The following CADM2 variants were observed in gnomAD, a reference collection of about 807,000 sequenced individuals.
The protein encoded by CADM2 is immunoglobulin superfamily member 4D.
In CADM2, 12 loss-of-function variants were observed where a neutral mutation model predicts 49.8. The ratio of observed to expected loss-of-function variants is 0.24; its 90% confidence interval spans 0.15 to 0.39. The LOEUF is 0.39. Ranked by LOEUF, CADM2 falls within the 10% of genes least tolerant of loss-of-function variation. The probability of loss-of-function intolerance (pLI) is 1.00; values close to 1 mark genes in which losing one functional copy is unlikely to be tolerated. For missense variants in CADM2, 378 were observed against 492.3 expected (o/e 0.77, Z 2.20); for synonymous variants, 214 against 175.4 (o/e 1.22, Z -1.74).
intron 1 of CADM2, among the ~76,000 whole-genome samples, chr3:85,458,666 C>G (rs1378150471): frequency 6.6e-6 from 1 of 152,038 alleles, no homozygotes; most frequent in Non-Finnish European, 1.5e-5. Flanking sequence ...CATGTAGGAG[C>G]TATTGAAGAA....
chr3:85,036,949 C>A (rs898201875), intron 1 of CADM2, among the ~76,000 whole-genome samples: 10 of 145,692 alleles, frequency 6.9e-5, no homozygotes, highest in Non-Finnish European at 1.3e-4. Context: ...GTCAGGAGCT[C>A]TAGACCAGCC....
chr3:85,435,182 C>G (rs545555154), intron 1 of CADM2, among the ~76,000 whole-genome samples: 1 of 152,000 alleles, frequency 6.6e-6, no homozygotes, highest in Non-Finnish European at 1.5e-5. Context: ...CACACAACCC[C>G]CAATAGGCCC....
chr3:85,060,062 T>C (rs1356717064), intron 1 of CADM2, among the ~76,000 whole-genome samples: 2 of 152,218 alleles, frequency 1.3e-5, no homozygotes, highest in Non-Finnish European at 1.5e-5. Flanking sequence ...ATTTCCTGTG[T>C]CACATTCCCA....
Position 85,530,321 on chromosome 3 carries a change from C to CTTTTTTTTTTTTT in CADM2, c.62-196201_62-196200insTTTTTTTTTTTTT, listed in dbSNP as rs2061270952. On this transcript the variant is annotated intron_variant, in intron 1 of 9. Transcript: ENST00000383699. ...GTGAGTCAGTTAGACTTCTTTTCTC[C>CTTTTTTTTTTTTT]GTTTTTTTTTTTTTTTTTTTTTTTT... 1.7e-5 allele frequency among the ~76,000 whole-genome samples: 2 copies of CTTTTTTTTTTTTT among 119,058 alleles called. 1 individual carries two copies. 78.1% of individuals were successfully genotyped at this position (119,058 alleles called of 152,430 possible). A position where few individuals can be genotyped will look rare whatever the true frequency, so the allele number is the denominator to read the frequency against.
In CADM2 at chr3:85,970,240, T is replaced by C. The variant is rs1185914376; in HGVS notation, c.970+8593T>C. Reference sequence around the variant, plus strand: ...TTTTGCAATTAAAGAGTTATGCAATTGATTCCAAGTATGTGTTTTCATCTT... The same window carrying C: ...TTTTGCAATTAAAGAGTTATGCAATCGATTCCAAGTATGTGTTTTCATCTT... On this transcript the variant is annotated intron_variant, in intron 8 of 9. Coordinates refer to ENST00000383699, the MANE Select transcript of CADM2 (RefSeq NM_001167675.2). Among the ~76,000 whole-genome samples, 18 of 151,518 alleles carry C rather than the reference T, an allele frequency of 1.2e-4. No homozygotes were observed. In the Admixed American group the frequency reaches 1.2e-3, roughly 10 times the overall value.
chr3:86,066,828 G>A lies in CADM2; in HGVS notation c.*45G>A. The A allele has an allele frequency of 7.7e-7, 1 of 1,299,044 alleles. No individual in the cohort carries two copies. Among genetic ancestry groups the A allele is most frequent in the Non-Finnish European group, 1.1e-6 (1 of 894,988 alleles). The allele number at this position is 1,299,044 out of a possible 1,614,324, so 80.5% of individuals were successfully genotyped here. On this transcript the variant is annotated 3_prime_UTR_variant, in exon 10 of 10. Transcript: ENST00000383699. ...AGTTTTACTACCAGGCTGAATGCTG[G>A]AGAAAACTGGCTATCATCTTTCAGA...
chr3:85,526,792 T>G (rs984052984), intron 1 of CADM2, among the ~76,000 whole-genome samples: 10 of 152,140 alleles, frequency 6.6e-5, no homozygotes, highest in African/African-American at 2.4e-4. Flanking sequence ...TCATCATGTG[T>G]TATAATTTAC....
intron 1 of CADM2, among the ~76,000 whole-genome samples, chr3:85,574,141 T>C (rs1043935647): frequency 6.6e-6 from 1 of 152,210 alleles, no homozygotes; most frequent in African/African-American, 2.4e-5. Flanking sequence ...AACACCATAT[T>C]TCTAGTCCTC....
chr3:85,706,269 A>T (rs1027241402), intron 1 of CADM2, among the ~76,000 whole-genome samples: 3 of 152,180 alleles, frequency 2.0e-5, no homozygotes, highest in Non-Finnish European at 4.4e-5. Context: ...CTCCCAATTT[A>T]CTTTTAGATA....
rs755326260 is a variant in CADM2, at chr3:85,181,803, T to C, written c.61+222135T>C. ...TACCTTATTGTTATATATCTCTCTCTATATATTATATATAGTTTTAATACT... is the reference window on the plus strand; with the variant it reads ...TACCTTATTGTTATATATCTCTCTCCATATATTATATATAGTTTTAATACT... On this transcript the variant is annotated intron_variant, in intron 1 of 9. Transcript: ENST00000383699. 2.5e-4 allele frequency among the ~76,000 whole-genome samples: 37 copies of C among 150,796 alleles called. No homozygotes were observed. The South Asian group carries it at 3.5e-3, about 14-fold the overall frequency.
At chr3:86,021,529 A>G (rs1021385995) in intron 8 of CADM2, among the ~76,000 whole-genome samples, 3 of 152,222 alleles carry the variant, frequency 2.0e-5, no homozygotes, top group Non-Finnish European at 4.4e-5. Context: ...TGTGAAAAAT[A>G]TCTTTATTGG....
chr3:85,818,254 A>G (rs2073339536), intron 3 of CADM2, among the ~76,000 whole-genome samples: 2 of 152,184 alleles, frequency 1.3e-5, no homozygotes, highest in South Asian at 4.1e-4. Flanking sequence ...TTAAGAGACA[A>G]GGAAGAGTTC....
chr3:85,019,510 A>T (rs1263820423), intron 1 of CADM2, among the ~76,000 whole-genome samples: 1 of 152,122 alleles, frequency 6.6e-6, no homozygotes, highest in East Asian at 1.9e-4. Flanking sequence ...AAAAATGCTG[A>T]ATCTTGTGCA....
At chr3:85,068,727 A>G (rs867663525) in intron 1 of CADM2, among the ~76,000 whole-genome samples, 1 of 152,070 alleles carries the variant, frequency 6.6e-6, no homozygotes, top group African/African-American at 2.4e-5. Context: ...TACAGAATAC[A>G]TATTTAAAGT....
At chr3:85,273,692 T>C (rs2043296567) in intron 1 of CADM2, among the ~76,000 whole-genome samples, 1 of 150,348 alleles carries the variant, frequency 6.7e-6, no homozygotes, top group African/African-American at 2.5e-5. Flanking sequence ...GAATTTTGGT[T>C]TTAGACATAT....
At chr3:85,181,209 A>T (rs2107704519) in intron 1 of CADM2, among the ~76,000 whole-genome samples, 1 of 152,268 alleles carries the variant, frequency 6.6e-6, no homozygotes, top group East Asian at 1.9e-4. Flanking sequence ...CATACAAATC[A>T]ACCTATTTGA....
At chr3:84,967,558 C>A (rs946208999) in intron 1 of CADM2, among the ~76,000 whole-genome samples, 9 of 152,066 alleles carry the variant, frequency 5.9e-5, no homozygotes, top group Non-Finnish European at 8.8e-5. Flanking sequence ...ATTGCCATTT[C>A]TTTACTGCTC....
At chr3:85,860,031 G>T (rs558187298) in intron 3 of CADM2, among the ~76,000 whole-genome samples, 1 of 151,860 alleles carries the variant, frequency 6.6e-6, no homozygotes, top group South Asian at 2.1e-4. Context: ...TATTTGAGTC[G>T]ATCTTTTACC....
chr3:85,781,069 A>G (rs902240780), intron 2 of CADM2, among the ~76,000 whole-genome samples: 1 of 152,176 alleles, frequency 6.6e-6, no homozygotes, highest in Admixed American at 6.6e-5. Context: ...CTGTAGATGC[A>G]TTAAGAAGCA....
Sources: allele counts gnomAD v4.1 joint callset (sites outside exome capture counted in the v4.1 genomes callset), GRCh38; gene constraint gnomAD v4.1.1; transcripts MANE v1.5; gene names NCBI Gene and HGNC (gene_info 2026-07-23, HGNC 2026-07-21).